SHISA9: variants seen among roughly 807,000 people sequenced by gnomAD.
SHISA9 encodes protein shisa-9.
SHISA9 carries 13 observed loss-of-function variants against 38.0 expected under a neutral mutation model. That is an observed-to-expected ratio of 0.34 (90% CI 0.22 to 0.54). SHISA9 has a LOEUF of 0.54. SHISA9 is among the 20% of genes least tolerant of loss of function. The pLI, the probability that SHISA9 is intolerant of heterozygous loss-of-function variation, is 0.91. For synonymous variants in SHISA9, 275 were observed against 242.0 expected (o/e 1.14, Z -1.27); for missense variants, 538 against 575.8 (o/e 0.93, Z 0.67).
chr16:13,251,535 G>A, the SHISA9 span, among the ~76,000 whole-genome samples: 2 of 152,058 alleles, frequency 1.3e-5, no homozygotes, highest in South Asian at 2.1e-4. Flanking sequence ...GGAGATTAGT[G>A]GTGCATGTTC....
At chr16:13,487,853 G>C in the SHISA9 span, among the ~76,000 whole-genome samples, 1 of 152,170 alleles carries the variant, frequency 6.6e-6, no homozygotes, top group African/African-American at 2.4e-5. Context: ...CAGAGGACTA[G>C]CTCCATGTGC....
intron 2 of SHISA9, among the ~76,000 whole-genome samples, chr16:13,137,356 G>A (rs1476188281): frequency 2.0e-5 from 3 of 152,168 alleles, no homozygotes; most frequent in African/African-American, 2.4e-5. Context: ...GTTGAGATAA[G>A]TAAAAGATCA....
the SHISA9 span, among the ~76,000 whole-genome samples, chr16:13,371,097 T>C: frequency 6.6e-6 from 1 of 152,162 alleles, no homozygotes; most frequent in East Asian, 1.9e-4. Context: ...CAATCCTACG[T>C]GGTAGATTTA....
At chr16:13,327,985 C>A in the SHISA9 span, among the ~76,000 whole-genome samples, 1 of 152,084 alleles carries the variant, frequency 6.6e-6, no homozygotes, top group Non-Finnish European at 1.5e-5. Context: ...ACTTGTGTCA[C>A]CTAAAATCTT....
the SHISA9 span, among the ~76,000 whole-genome samples, chr16:13,256,934 C>G: frequency 9.2e-5 from 14 of 152,176 alleles, no homozygotes; most frequent in African/African-American, 3.4e-4. Flanking sequence ...TACACATACA[C>G]ACAATATGTT....
At chr16:13,083,959 T>C (rs2073682818) in intron 2 of SHISA9, among the ~76,000 whole-genome samples, 2 of 152,232 alleles carry the variant, frequency 1.3e-5, no homozygotes, top group Admixed American at 6.5e-5. Flanking sequence ...GGATTAACTC[T>C]AGTTTATAGA....
intron 2 of SHISA9, among the ~76,000 whole-genome samples, chr16:13,182,183 T>C (rs868253792): frequency 6.6e-6 from 1 of 152,210 alleles, no homozygotes; most frequent in Non-Finnish European, 1.5e-5. Context: ...TGTGGGTTCA[T>C]TTTTGCCAGA....
the SHISA9 span, among the ~76,000 whole-genome samples, chr16:13,305,959 C>T: frequency 6.6e-6 from 1 of 152,196 alleles, no homozygotes; most frequent in Non-Finnish European, 1.5e-5. Flanking sequence ...AATGAGAAGA[C>T]AGAGTCCCTG....
intron 3 of SHISA9, 68 bp downstream of exon 3, chr16:13,203,617 C>G: frequency 7.3e-7 from 1 of 1,363,020 alleles, no homozygotes; most frequent in East Asian, 2.7e-5. Context: ...TCTTGTAGAT[C>G]TCTTTATCTC....
At chr16:13,210,617 A>C (rs149228) in intron 3 of SHISA9, among the ~76,000 whole-genome samples, 30,566 of 152,088 alleles carry the variant, frequency 0.2, 3,341 homozygotes, top group South Asian at 0.39. Flanking sequence ...AAAGCCATAC[A>C]TGAGGCACTT....
chr16:13,354,344 G>A, the SHISA9 span, among the ~76,000 whole-genome samples: 1 of 108,706 alleles, frequency 9.2e-6, no homozygotes, highest in Middle Eastern at 4.5e-3. Context: ...AGCGTGATCA[G>A]GGTGAGGAAC....
chr16:13,119,625 C>T (rs967908041), intron 2 of SHISA9, among the ~76,000 whole-genome samples: 5 of 152,188 alleles, frequency 3.3e-5, no homozygotes, highest in African/African-American at 9.7e-5. Flanking sequence ...TATAATTAAG[C>T]TGTCACTCTT....
At chr16:13,301,391 A>G in the SHISA9 span, among the ~76,000 whole-genome samples, 512 of 152,330 alleles carry the variant, frequency 3.4e-3, 4 homozygotes, top group African/African-American at 0.012. Context: ...TGCATTTTGA[A>G]TAGGCCCCCA....
chr16:13,245,848 A>T, the SHISA9 span, among the ~76,000 whole-genome samples: 1 of 152,180 alleles, frequency 6.6e-6, no homozygotes, highest in Admixed American at 6.5e-5. Context: ...CACCCCTCCC[A>T]GAGGAGAAAG....
At chr16:13,248,871 C>T in the SHISA9 span, among the ~76,000 whole-genome samples, 1 of 152,174 alleles carries the variant, frequency 6.6e-6, no homozygotes, top group Non-Finnish European at 1.5e-5. Flanking sequence ...CAAGGATCTA[C>T]TTTTAGGCAA....
At chr16:13,178,512 G>A (rs759084723) in intron 2 of SHISA9, among the ~76,000 whole-genome samples, 38 of 152,032 alleles carry the variant, frequency 2.5e-4, no homozygotes, top group Admixed American at 4.6e-4. Context: ...GCCCGCCCAC[G>A]ACTGACAGAT....
intron 2 of SHISA9, among the ~76,000 whole-genome samples, chr16:13,047,249 C>T (rs2073198224): frequency 6.6e-6 from 1 of 151,910 alleles, no homozygotes. Context: ...CCCCTTCTGC[C>T]CATCATGGGA....
intron 2 of SHISA9, among the ~76,000 whole-genome samples, chr16:12,919,937 G>C (rs1033447178): frequency 2.0e-5 from 3 of 152,178 alleles, no homozygotes; most frequent in Non-Finnish European, 4.4e-5. Flanking sequence ...TGTTTTTGAA[G>C]GCACATTTTG....
intron 2 of SHISA9, among the ~76,000 whole-genome samples, chr16:12,978,818 T>C (rs1161921030): frequency 6.6e-6 from 1 of 152,214 alleles, no homozygotes; most frequent in Admixed American, 6.6e-5. Context: ...GCTGGAGGGA[T>C]GGATAGAAGG....
Sources: allele counts gnomAD v4.1 joint callset (sites outside exome capture counted in the v4.1 genomes callset), GRCh38; gene constraint gnomAD v4.1.1; transcripts MANE v1.5; gene names NCBI Gene and HGNC (gene_info 2026-07-23, HGNC 2026-07-21).